The following FBXL7 variants were observed in gnomAD, a reference collection of about 807,000 sequenced individuals.
The protein encoded by FBXL7 is F-box/LRR-repeat protein 7.
A neutral mutation model predicts 38.3 loss-of-function variants in FBXL7; 12 were observed. The observed-to-expected ratio is 0.31, with a 90% CI of 0.20 to 0.51. The LOEUF (loss-of-function observed/expected upper bound fraction) is 0.51, where lower values mean the gene tolerates loss of function less well. FBXL7 is among the 20% of genes least tolerant of loss of function. The pLI is 0.98. For synonymous variants in FBXL7, 297 were observed against 300.9 expected, an observed-to-expected ratio of 0.99 and a Z score of 0.13; for missense variants, 567 against 676.4, an observed-to-expected ratio of 0.84 and a Z score of 1.79.
At chr5:15,873,832 G>T (rs1740080228) in intron 2 of FBXL7, among the ~76,000 whole-genome samples, 1 of 152,158 alleles carries the variant, frequency 6.6e-6, no homozygotes. Flanking sequence ...AATTCTACCA[G>T]AGGTACAAAG....
At chr5:15,681,985 G>A (rs142972464) in intron 2 of FBXL7, among the ~76,000 whole-genome samples, 2 of 152,280 alleles carry the variant, frequency 1.3e-5, no homozygotes, top group South Asian at 2.1e-4. Flanking sequence ...CATTCACCAG[G>A]ATAATTCAGG....
intron 2 of FBXL7, among the ~76,000 whole-genome samples, chr5:15,638,445 C>A (rs1487646543): frequency 6.6e-6 from 1 of 152,218 alleles, no homozygotes; most frequent in Non-Finnish European, 1.5e-5. Flanking sequence ...AAAATCCCGG[C>A]TCCACCCTAG....
chr5:15,598,109 C>T (rs1372588129), intron 1 of FBXL7, among the ~76,000 whole-genome samples: 3 of 152,098 alleles, frequency 2.0e-5, no homozygotes, highest in African/African-American at 7.2e-5. Flanking sequence ...ATGCATAAAG[C>T]TTTGAAAAAT....
chr5:15,857,375 G>T (rs1487835774), intron 2 of FBXL7, among the ~76,000 whole-genome samples: 1 of 152,124 alleles, frequency 6.6e-6, no homozygotes, highest in Non-Finnish European at 1.5e-5. Context: ...ACTATCCCCA[G>T]ATTGCAGATA....
intron 2 of FBXL7, among the ~76,000 whole-genome samples, chr5:15,640,267 C>T (rs1347443546): frequency 6.6e-6 from 1 of 152,124 alleles, no homozygotes; most frequent in Admixed American, 6.5e-5. Flanking sequence ...TTGCGTTTCT[C>T]AGCCTCTTTT....
chr5:15,526,947 A>C lies in FBXL7; in HGVS notation c.37+26234A>C, dbSNP rs192406085. On this transcript the variant is annotated intron_variant, in intron 1 of 3. Coordinates refer to ENST00000504595, the MANE Select transcript of FBXL7 (RefSeq NM_012304.5). ...CTTACAATGTCGGGCTCTCCGTGTC[A>C]TTCATGGGTTTATTTCAAAATGAAT... Among the ~76,000 whole-genome samples the C allele has an allele frequency of 3.3e-5, 5 of 152,306 alleles. No individual in the cohort carries two copies. In the East Asian group the frequency reaches 7.7e-4, roughly 23 times the overall value.
At chr5:15,765,346 C>G (rs1010016645) in intron 2 of FBXL7, among the ~76,000 whole-genome samples, 1 of 152,086 alleles carries the variant, frequency 6.6e-6, no homozygotes, top group African/African-American at 2.4e-5. Flanking sequence ...TTTACCCAAT[C>G]CCCAGCACAG....
intron 2 of FBXL7, among the ~76,000 whole-genome samples, chr5:15,694,529 G>GT (rs1448751621): frequency 6.6e-6 from 1 of 152,152 alleles, no homozygotes; most frequent in Non-Finnish European, 1.5e-5. Flanking sequence ...ACTAGAAAGT[G>GT]TTTTAATCCT....
chr5:15,587,513 G>A (rs1434655374), intron 1 of FBXL7, among the ~76,000 whole-genome samples: 1 of 152,166 alleles, frequency 6.6e-6, no homozygotes, highest in Non-Finnish European at 1.5e-5. Flanking sequence ...CTCTGAAGGT[G>A]GGAATCCGGT....
At position 15,836,630 on chromosome 5, in the gene FBXL7, G is replaced by T. The variant is rs562621099; in HGVS notation, c.128-91260G>T. On this transcript the variant is annotated intron_variant, in intron 2 of 3. Transcript: ENST00000504595. The stretch of plus-strand genomic sequence containing the variant: ...CCTCGTCTGTTTGAAGAACAGTGAG[G>T]AGCAATTCACTAGAACAAGTTGGAA... Among the ~76,000 whole-genome samples, 358 of 152,250 alleles carry T rather than the reference G, an allele frequency of 2.4e-3. 1 individual carries two copies. The highest frequency in any genetic ancestry group is 8.3e-3 in the African/African-American group (344 of 41,548).
At chr5:15,699,829 G>C (rs1743466169) in intron 2 of FBXL7, among the ~76,000 whole-genome samples, 1 of 152,206 alleles carries the variant, frequency 6.6e-6, no homozygotes, top group Non-Finnish European at 1.5e-5. Flanking sequence ...AGCCCTGCCA[G>C]ATCACAGCCC....
At chr5:15,676,737 G>A (rs1447308439) in intron 2 of FBXL7, among the ~76,000 whole-genome samples, 1 of 152,164 alleles carries the variant, frequency 6.6e-6, no homozygotes, top group African/African-American at 2.4e-5. Context: ...CTGTTCAGAG[G>A]GGGCTGGCCA....
At chr5:15,717,369 C>T (rs1481048706) in intron 2 of FBXL7, among the ~76,000 whole-genome samples, 1 of 152,166 alleles carries the variant, frequency 6.6e-6, no homozygotes, top group African/African-American at 2.4e-5. Flanking sequence ...AAATGGAGAA[C>T]TGCTCTGAGA....
intron 2 of FBXL7, among the ~76,000 whole-genome samples, chr5:15,854,303 A>G (rs998554298): frequency 3.3e-5 from 5 of 152,236 alleles, no homozygotes; most frequent in African/African-American, 9.6e-5. Flanking sequence ...GACTATAATT[A>G]ATAGGTCAGC....
intron 1 of FBXL7, among the ~76,000 whole-genome samples, chr5:15,543,366 A>G (rs1389694081): frequency 6.6e-6 from 1 of 152,114 alleles, no homozygotes; most frequent in Non-Finnish European, 1.5e-5. Flanking sequence ...GGGGGAAACC[A>G]CCCCATGATT....
chr5:15,845,972 A>AAAAAAT (rs1221598851), intron 2 of FBXL7, among the ~76,000 whole-genome samples: 1 of 152,258 alleles, frequency 6.6e-6, no homozygotes, highest in African/African-American at 2.4e-5. Flanking sequence ...ACTCCGTCTC[A>AAAAAAT]AAAAATAAAA....
intron 2 of FBXL7, among the ~76,000 whole-genome samples, chr5:15,721,119 A>G (rs1374436374): frequency 6.6e-6 from 1 of 152,208 alleles, no homozygotes; most frequent in Non-Finnish European, 1.5e-5. Flanking sequence ...TAGAGAATAT[A>G]CATATAAGGT....
In FBXL7 at chr5:15,838,667, C is replaced by T. The variant is rs562002803; in HGVS notation, c.128-89223C>T. On this transcript the variant is annotated intron_variant, in intron 2 of 3. Coordinates refer to ENST00000504595, the MANE Select transcript of FBXL7 (RefSeq NM_012304.5). ...GCTGTATTTGGCACTGATGACCCTA[C>T]CTCCTCCTTCTTTTACCCTTGATTT... 1.5e-4 allele frequency among the ~76,000 whole-genome samples: 23 copies of T among 151,588 alleles called. 1 individual carries two copies. Among genetic ancestry groups the T allele is most frequent in the Middle Eastern group, 3.4e-3 (1 of 294 alleles).
intron 2 of FBXL7, among the ~76,000 whole-genome samples, chr5:15,700,899 A>C (rs1363415086): frequency 1.3e-5 from 2 of 152,200 alleles, no homozygotes; most frequent in African/African-American, 4.8e-5. Flanking sequence ...TTGTATATAA[A>C]GTGAGGTACA....
Sources: gnomAD v4.1 joint callset for allele counts (sites outside exome capture counted in the v4.1 genomes callset) on GRCh38, gnomAD v4.1.1 for gene constraint, MANE v1.5 for transcripts, NCBI Gene and HGNC (gene_info 2026-07-23, HGNC 2026-07-21) for gene names.